Variants in ACTR3C observed in about 807,000 individuals in gnomAD.
The protein encoded by ACTR3C is actin-related protein 3C.
Under a neutral mutation model 26.3 loss-of-function variants are expected in ACTR3C, and 18 were observed. The observed-to-expected ratio is 0.68, with a 90% CI of 0.47 to 1.01. The LOEUF (loss-of-function observed/expected upper bound fraction) is 1.01. Ranked by LOEUF, ACTR3C falls within the 50% of genes least tolerant of loss-of-function variation. The pLI, the probability that ACTR3C is intolerant of heterozygous loss-of-function variation, is 0.00. For missense variants in ACTR3C, 184 were observed against 250.7 expected (o/e 0.73, Z 1.80); for synonymous variants, 55 against 94.5 (o/e 0.58, Z 2.42).
the ACTR3C span, among the ~76,000 whole-genome samples, chr7:150,048,137 C>T: frequency 6.6e-6 from 1 of 152,114 alleles, no homozygotes; most frequent in Non-Finnish European, 1.5e-5. Flanking sequence ...ATTTTTTTCC[C>T]CAACTCCTTG....
the ACTR3C span, among the ~76,000 whole-genome samples, chr7:150,141,272 C>T: frequency 6.6e-6 from 1 of 152,318 alleles, no homozygotes; most frequent in African/African-American, 2.4e-5. Context: ...TTTATCATCT[C>T]AAGAAGTCAC....
the ACTR3C span, among the ~76,000 whole-genome samples, chr7:150,039,747 C>A: frequency 6.9e-6 from 1 of 144,166 alleles, no homozygotes; most frequent in African/African-American, 2.5e-5. Flanking sequence ...GGGGGTGCCT[C>A]CCCCTCCTGC....
At chr7:149,971,228 G>A in the ACTR3C span, among the ~76,000 whole-genome samples, 3 of 152,194 alleles carry the variant, frequency 2.0e-5, no homozygotes, top group East Asian at 1.9e-4. Flanking sequence ...GGGGTCATCC[G>A]TAAACCCAAG....
At chr7:150,029,594 C>CTTT in the ACTR3C span, among the ~76,000 whole-genome samples, 1 of 151,952 alleles carries the variant, frequency 6.6e-6, no homozygotes, top group Non-Finnish European at 1.5e-5. Context: ...AACAAAAACT[C>CTTT]TTACACTGCT....
the ACTR3C span, among the ~76,000 whole-genome samples, chr7:150,072,557 C>A: frequency 6.9e-6 from 1 of 143,996 alleles, no homozygotes; most frequent in African/African-American, 2.5e-5. Context: ...GGGTGGGGAC[C>A]CAGGACGCCT....
chr7:150,166,072 T>C, the ACTR3C span, among the ~76,000 whole-genome samples: 1 of 151,804 alleles, frequency 6.6e-6, no homozygotes, highest in East Asian at 1.9e-4. Flanking sequence ...CACCCAAATA[T>C]TAAGGTGATT....
chr7:150,149,079 GTATATATATATA>G, the ACTR3C span, among the ~76,000 whole-genome samples: 11,359 of 92,878 alleles, frequency 0.12, 1,153 homozygotes, highest in East Asian at 0.19. Context: ...TAAAGTTTGA[GTATATATATATA>G]TATATATATA....
At chr7:149,960,919 G>A in the ACTR3C span, among the ~76,000 whole-genome samples, 1 of 152,332 alleles carries the variant, frequency 6.6e-6, no homozygotes, top group African/African-American at 2.4e-5. Flanking sequence ...CAGAGAGGAA[G>A]TGTGTGCTCA....
At chr7:150,144,980 G>A in the ACTR3C span, among the ~76,000 whole-genome samples, 1 of 151,346 alleles carries the variant, frequency 6.6e-6, no homozygotes, top group African/African-American at 2.4e-5. This position sits in a 1 kb window ranked among gnomAD's most constrained non-coding sequence, Gnocchi z 4.6. Flanking sequence ...AAGTTGGGAG[G>A]TGGAGCTTGC....
chr7:150,173,020 G>A, the ACTR3C span, among the ~76,000 whole-genome samples: 1,362 of 149,470 alleles, frequency 9.1e-3, 91 homozygotes, highest in African/African-American at 0.034. Flanking sequence ...GGCTGGCACT[G>A]AGTGTCTGCA....
At chr7:150,100,381 C>G in the ACTR3C span, among the ~76,000 whole-genome samples, 10 of 151,726 alleles carry the variant, frequency 6.6e-5, no homozygotes, top group Non-Finnish European at 1.3e-4. Flanking sequence ...ACAACCCCAT[C>G]TATTGCTGGG....
chr7:149,908,937 A>G, the ACTR3C span, among the ~76,000 whole-genome samples: 1 of 151,968 alleles, frequency 6.6e-6, no homozygotes, highest in African/African-American at 2.4e-5. Context: ...ACGCACCACC[A>G]CACCCAACTA....
the ACTR3C span, among the ~76,000 whole-genome samples, chr7:150,179,641 C>A: frequency 2.5e-4 from 37 of 150,450 alleles, no homozygotes. Flanking sequence ...CGTACCACCA[C>A]ACATGGCTAC....
the ACTR3C span, among the ~76,000 whole-genome samples, chr7:149,891,623 G>A: frequency 9.2e-5 from 14 of 151,908 alleles, no homozygotes; most frequent in Non-Finnish European, 2.9e-5. Context: ...CCAGGAGTTC[G>A]AGACCAGCCT....
the ACTR3C span, among the ~76,000 whole-genome samples, chr7:150,214,432 GGA>G: frequency 6.6e-6 from 1 of 151,912 alleles, no homozygotes; most frequent in Non-Finnish European, 1.5e-5. Context: ...TGCAATATCC[GGA>G]GCTACGCACA....
the ACTR3C span, among the ~76,000 whole-genome samples, chr7:150,069,464 C>T: frequency 6.6e-6 from 1 of 152,204 alleles, no homozygotes; most frequent in Non-Finnish European, 1.5e-5. Context: ...TTATCTAAAA[C>T]TTCAGCGGGT....
At chr7:150,217,053 T>G in the ACTR3C span, among the ~76,000 whole-genome samples, 2 of 145,110 alleles carry the variant, frequency 1.4e-5, no homozygotes, top group South Asian at 2.1e-4. Flanking sequence ...ATAAAAAGGG[T>G]TTTAAAGTGA....
the ACTR3C span, among the ~76,000 whole-genome samples, chr7:150,079,869 C>T: frequency 1.3e-5 from 2 of 152,288 alleles, no homozygotes; most frequent in South Asian, 4.1e-4. Context: ...CCAAATCCTC[C>T]TCCTTTCACT....
At chr7:150,233,920 G>T in the ACTR3C span, among the ~76,000 whole-genome samples, 34,821 of 151,856 alleles carry the variant, frequency 0.23, 6,428 homozygotes, top group African/African-American at 0.51. Flanking sequence ...ATATATTGAA[G>T]AGTAATCAGT....
Sources: allele counts gnomAD v4.1 joint callset (sites outside exome capture counted in the v4.1 genomes callset), GRCh38; gene constraint gnomAD v4.1.1; non-coding constraint Gnocchi (gnomAD v3.1); transcripts MANE v1.5; gene names NCBI Gene and HGNC (gene_info 2026-07-23, HGNC 2026-07-21).